Variants in EYS observed in about 807,000 individuals in gnomAD.
The protein encoded by EYS is protein eyes shut homolog.
In EYS, 250 loss-of-function variants were observed where a neutral mutation model predicts 282.1. The ratio of observed to expected loss-of-function variants is 0.89; its 90% CI spans 0.80 to 0.98. The LOEUF is 0.98. Ranked by LOEUF, EYS falls within the 50% of genes least tolerant of loss-of-function variation. The pLI, the probability that EYS is intolerant of heterozygous loss-of-function variation, is 0.00. For synonymous variants in EYS, 1,355 were observed against 1,282.9 expected (o/e 1.06, Z -1.20); for missense variants, 4,016 against 3,709.0 (o/e 1.08, Z -2.15).
intron 30 of EYS, among the ~76,000 whole-genome samples, chr6:64,297,515 A>G (rs1271808418): frequency 6.6e-6 from 1 of 152,230 alleles, no homozygotes; most frequent in East Asian, 1.9e-4. Context: ...TGAAAATCTT[A>G]AAAGCAGCAA....
intron 22 of EYS, among the ~76,000 whole-genome samples, chr6:64,708,182 C>T (rs1771096696): frequency 6.6e-6 from 1 of 152,104 alleles, no homozygotes; most frequent in Non-Finnish European, 1.5e-5. Context: ...AACTTGTTGA[C>T]CCAACAATTC....
At chr6:64,704,342 A>G (rs527685656) in intron 22 of EYS, among the ~76,000 whole-genome samples, 119 of 147,058 alleles carry the variant, frequency 8.1e-4, no homozygotes, top group Admixed American at 2.9e-3. Context: ...ATACATATAT[A>G]AAATAATTGC....
At chr6:64,478,233 T>C (rs1776331933) in intron 26 of EYS, among the ~76,000 whole-genome samples, 1 of 149,544 alleles carries the variant, frequency 6.7e-6, no homozygotes, top group South Asian at 2.1e-4. Context: ...TTTATTAATA[T>C]ATTATGTTTT....
chr6:64,906,581 C>T (rs1003828171), intron 16 of EYS, among the ~76,000 whole-genome samples: 5 of 152,134 alleles, frequency 3.3e-5, no homozygotes, highest in African/African-American at 1.2e-4. Flanking sequence ...TTAAATGCAA[C>T]TACTTGTCTC....
chr6:64,061,756 G>C (rs562695287), intron 33 of EYS, among the ~76,000 whole-genome samples: 1 of 152,098 alleles, frequency 6.6e-6, no homozygotes, highest in African/African-American at 2.4e-5. Context: ...TAGGAGGGCC[G>C]TGGAGGGTGG....
chr6:65,594,954 G>T (rs142893032), intron 2 of EYS, among the ~76,000 whole-genome samples: 4,426 of 152,132 alleles, frequency 0.029, 165 homozygotes, highest in African/African-American at 0.089. Context: ...GGTCAGGTTT[G>T]CCAAAGATCA....
At chr6:64,114,561 A>G (rs74576403) in intron 31 of EYS, among the ~76,000 whole-genome samples, 10,097 of 152,250 alleles carry the variant, frequency 0.066, 1,007 homozygotes, top group African/African-American at 0.22. Flanking sequence ...TTGATGTGCC[A>G]GAAACATCTA....
At chr6:65,480,622 A>G (rs891944143) in intron 5 of EYS, among the ~76,000 whole-genome samples, 2 of 152,152 alleles carry the variant, frequency 1.3e-5, no homozygotes, top group African/African-American at 2.4e-5. Context: ...TAACCAAAGG[A>G]CATTAAATTA....
chr6:64,110,741 T>C (rs1378024911), intron 31 of EYS, among the ~76,000 whole-genome samples: 1 of 151,858 alleles, frequency 6.6e-6, no homozygotes. Flanking sequence ...TATTAGGACC[T>C]AAGGAACTGT....
At chr6:64,057,488 C>T (rs1278699976) in intron 33 of EYS, among the ~76,000 whole-genome samples, 33 of 151,156 alleles carry the variant, frequency 2.2e-4, no homozygotes, top group Non-Finnish European at 3.7e-4. Context: ...TTTTCAAAAG[C>T]AAGGTTTACT....
intron 29 of EYS, among the ~76,000 whole-genome samples, chr6:64,315,952 A>G (rs1769942918): frequency 6.6e-6 from 1 of 152,228 alleles, no homozygotes; most frequent in South Asian, 2.1e-4. Flanking sequence ...CATAAACAGA[A>G]CCAATGACAA....
At chr6:64,050,592 G>C (rs922764149) in intron 33 of EYS, among the ~76,000 whole-genome samples, 2 of 151,998 alleles carry the variant, frequency 1.3e-5, no homozygotes, top group Non-Finnish European at 2.9e-5. Flanking sequence ...TTCTTTCCTA[G>C]TACTGGGGGC....
intron 30 of EYS, among the ~76,000 whole-genome samples, chr6:64,239,281 G>T (rs189477625): frequency 1.7e-3 from 263 of 152,282 alleles, no homozygotes; most frequent in African/African-American, 5.8e-3. Flanking sequence ...TAATGGGATT[G>T]CTGGGTCAAA....
At chr6:63,772,372 T>C (rs1562019090) in intron 40 of EYS, among the ~76,000 whole-genome samples, 1 of 152,156 alleles carries the variant, frequency 6.6e-6, no homozygotes, top group African/African-American at 2.4e-5. Flanking sequence ...ATTTTATGCC[T>C]AGATCTCTTT....
At chr6:64,071,543 AT>A (rs1236327487) in intron 32 of EYS, among the ~76,000 whole-genome samples, 31 of 139,608 alleles carry the variant, frequency 2.2e-4, no homozygotes, top group Non-Finnish European at 3.9e-4. Flanking sequence ...AATCTTTGAC[AT>A]TTTTTTATTA....
At chr6:64,690,686 G>A (rs1488035211) in intron 22 of EYS, among the ~76,000 whole-genome samples, 1 of 152,138 alleles carries the variant, frequency 6.6e-6, no homozygotes, top group African/African-American at 2.4e-5. Context: ...GTAGGGACAT[G>A]GATGTAGCTG....
chr6:63,941,212 C>T (rs1159421298), intron 35 of EYS, among the ~76,000 whole-genome samples: 2 of 152,114 alleles, frequency 1.3e-5, no homozygotes, highest in Non-Finnish European at 2.9e-5. Context: ...AATGGGATGG[C>T]TGGGTCAAAT....
At chr6:65,653,076 G>T (rs888871814) in intron 1 of EYS, among the ~76,000 whole-genome samples, 19 of 151,860 alleles carry the variant, frequency 1.3e-4, no homozygotes, top group Non-Finnish European at 2.5e-4. Flanking sequence ...CTGAAAAAGT[G>T]GGAGCCACAA....
intron 27 of EYS, among the ~76,000 whole-genome samples, chr6:64,438,056 G>T (rs907100355): frequency 4.0e-5 from 6 of 151,696 alleles, no homozygotes; most frequent in Non-Finnish European, 5.9e-5. Context: ...CAGGTATTCA[G>T]AGCAGGGATA....
Sources: gnomAD v4.1 joint callset for allele counts (sites outside exome capture counted in the v4.1 genomes callset) on GRCh38, gnomAD v4.1.1 for gene constraint, MANE v1.5 for transcripts, NCBI Gene and HGNC (gene_info 2026-07-23, HGNC 2026-07-21) for gene names.